Variants in RAB33A observed in about 807,000 individuals in gnomAD.
RAB33A encodes the protein RAB33A, member RAS oncogene family, also known as ras-related protein Rab-33A.
RAB33A carries 6 observed loss-of-function variants against 12.0 expected under a neutral mutation model. The ratio of observed to expected loss-of-function variants is 0.50; its 90% confidence interval spans 0.27 to 0.99. The LOEUF is 0.99. Ranked by LOEUF, RAB33A falls within the 50% of genes least tolerant of loss-of-function variation. The pLI is 0.11. For missense variants in RAB33A, 109 were observed against 192.0 expected (o/e 0.57, Z 2.55); for synonymous variants, 70 against 82.4 (o/e 0.85, Z 0.81).
chrX:130,180,917 A>C (rs1249585544), intron 1 of RAB33A, among the ~76,000 whole-genome samples: 1 of 98,017 alleles, frequency 1.0e-5, no homozygotes, highest in Non-Finnish European at 2.0e-5. Context: ...CTGAGGCAGG[A>C]GAATCGCTTG....
the RAB33A span, among the ~76,000 whole-genome samples, chrX:130,118,797 A>G: frequency 9.0e-6 from 1 of 110,664 alleles, no homozygotes; most frequent in Non-Finnish European, 1.9e-5. Flanking sequence ...GATGTGAGTG[A>G]GGGCATAACT....
the RAB33A span, among the ~76,000 whole-genome samples, chrX:130,166,212 T>C: frequency 9.0e-6 from 1 of 111,724 alleles, no homozygotes; most frequent in African/African-American, 3.3e-5. Context: ...CAGATCCAGT[T>C]TTTCCATGAG....
In RAB33A at chrX:130,183,351, C is replaced by T. The variant is rs968101097; in HGVS notation, c.259-934C>T. Among the ~76,000 whole-genome samples the T allele has an allele frequency of 4.6e-5, 5 of 108,170 alleles. No individual in the cohort carries two copies. In the East Asian group the frequency reaches 1.2e-3, roughly 26 times the overall value. 93.9% of individuals were successfully genotyped at this position (108,170 alleles called of 115,157 possible). ...CAGGCGGATCACGAGGTGAGGAGAT[C>T]GAGACCATCCTGGCTAACACAGTGA... On this transcript the variant is annotated intron_variant, in intron 1 of 1. Coordinates refer to ENST00000257017, the MANE Select transcript of RAB33A (RefSeq NM_004794.3).
At chrX:130,162,095 C>T in the RAB33A span, among the ~76,000 whole-genome samples, 70 of 111,877 alleles carry the variant, frequency 6.3e-4, no homozygotes, top group Non-Finnish European at 3.4e-4. Flanking sequence ...GGTTCAGTCA[C>T]GAGAATTTAC....
the RAB33A span, among the ~76,000 whole-genome samples, chrX:130,151,557 CGTT>C: frequency 8.9e-6 from 1 of 111,943 alleles, no homozygotes; most frequent in African/African-American, 3.3e-5. Flanking sequence ...AAGCATTTAA[CGTT>C]GTGACAAATG....
the RAB33A span, among the ~76,000 whole-genome samples, chrX:130,112,181 C>T: frequency 3.9e-4 from 44 of 112,033 alleles, no homozygotes; most frequent in African/African-American, 1.3e-3. Context: ...ACTGGGGCGC[C>T]GGCCCCTGAG....
chrX:130,121,445 T>G, the RAB33A span, among the ~76,000 whole-genome samples: 1 of 109,968 alleles, frequency 9.1e-6, no homozygotes, highest in Admixed American at 9.7e-5. Context: ...GAGACAGGGT[T>G]TCACCACGTT....
the RAB33A span, among the ~76,000 whole-genome samples, chrX:130,118,057 A>G: frequency 8.9e-6 from 1 of 112,271 alleles, no homozygotes; most frequent in South Asian, 3.6e-4. Flanking sequence ...TCTTCCTCAG[A>G]TGGAGAAGAG....
chrX:130,129,530 T>G, the RAB33A span: 1 of 1,195,352 alleles, frequency 8.4e-7, no homozygotes, highest in South Asian at 1.8e-5. Flanking sequence ...GGGGCTGCAG[T>G]GGGTTTGCCA....
the RAB33A span, among the ~76,000 whole-genome samples, chrX:130,161,609 C>CTTTT: frequency 1.0e-5 from 1 of 96,576 alleles, no homozygotes. Context: ...ATTTATCAGC[C>CTTTT]TTTTTTTTTT....
upstream of RAB33A, among the ~76,000 whole-genome samples, chrX:130,168,029 T>C (rs1487816252): frequency 3.7e-5 from 4 of 107,979 alleles, no homozygotes; most frequent in Admixed American, 9.9e-5. Context: ...TTTTTTAAAT[T>C]AGCCAGGCGT....
the RAB33A span, among the ~76,000 whole-genome samples, chrX:130,153,376 T>G: frequency 1.1e-5 from 1 of 93,136 alleles, no homozygotes; most frequent in African/African-American, 4.0e-5. Context: ...AAAAAAAAAG[T>G]CGGCAGTTTA....
the RAB33A span, among the ~76,000 whole-genome samples, chrX:130,120,607 G>A: frequency 8.9e-6 from 1 of 112,332 alleles, no homozygotes; most frequent in African/African-American, 3.2e-5. Flanking sequence ...GGGCCTGCGA[G>A]GTGGCTCGAG....
the RAB33A span, among the ~76,000 whole-genome samples, chrX:130,145,990 G>A: frequency 8.9e-6 from 1 of 112,209 alleles, no homozygotes; most frequent in African/African-American, 3.2e-5. Flanking sequence ...TTCAAAGTAA[G>A]AACAAGTGGA....
the RAB33A span, among the ~76,000 whole-genome samples, chrX:130,126,883 T>C: frequency 8.9e-6 from 1 of 112,549 alleles, no homozygotes; most frequent in African/African-American, 3.2e-5. Flanking sequence ...AGAGAAATCA[T>C]GCATGGGCAC....
the RAB33A span, among the ~76,000 whole-genome samples, chrX:130,134,115 T>G: frequency 9.1e-6 from 1 of 110,055 alleles, no homozygotes; most frequent in Non-Finnish European, 1.9e-5. Context: ...CAAGCGCCTG[T>G]AATCCCAGCT....
chrX:130,127,743 G>C, the RAB33A span, among the ~76,000 whole-genome samples: 1 of 94,912 alleles, frequency 1.1e-5, no homozygotes, highest in East Asian at 3.1e-4. Flanking sequence ...AGGCTGGAGT[G>C]CAGTGGTGTG....
chrX:130,124,003 G>A, the RAB33A span, among the ~76,000 whole-genome samples: 2 of 112,403 alleles, frequency 1.8e-5, no homozygotes, highest in East Asian at 5.6e-4. Flanking sequence ...GGGAGGCTGA[G>A]GTGGGAGGAT....
the RAB33A span, among the ~76,000 whole-genome samples, chrX:130,135,892 A>G: frequency 8.9e-6 from 1 of 112,117 alleles, no homozygotes; most frequent in Non-Finnish European, 1.9e-5. Context: ...TTCTGAATCA[A>G]GCAGTTCACA....
Sources: gnomAD v4.1 joint callset for allele counts (sites outside exome capture counted in the v4.1 genomes callset) on GRCh38, gnomAD v4.1.1 for gene constraint, MANE v1.5 for transcripts, NCBI Gene and HGNC (gene_info 2026-07-23, HGNC 2026-07-21) for gene names.